Variants in PEX5L observed in about 807,000 individuals in gnomAD.
The protein encoded by PEX5L is peroxisomal biogenesis factor 5 like.
In PEX5L, 30 loss-of-function variants were observed where a neutral mutation model predicts 84.0. That is an observed-to-expected ratio of 0.36 (90% CI 0.27 to 0.48). The LOEUF (loss-of-function observed/expected upper bound fraction) is 0.48, where lower values mean the gene tolerates loss of function less well. Ranked by LOEUF, PEX5L falls within the 20% of genes least tolerant of loss-of-function variation. PEX5L has a pLI of 0.99. For missense variants in PEX5L, 533 were observed against 754.6 expected, an observed-to-expected ratio of 0.71 and a Z score of 3.44; for synonymous variants, 270 against 283.1, an observed-to-expected ratio of 0.95 and a Z score of 0.46.
Position 179,860,969 on chromosome 3 carries a change from G to T in PEX5L, c.727-1812C>A, listed in dbSNP as rs76320976. On this transcript the variant is annotated intron_variant, in intron 7 of 14. Coordinates refer to ENST00000467460, the MANE Select transcript of PEX5L (RefSeq NM_016559.3). ...AAAACAGAGAAAGGCTGCCCCTGGG[G>T]GGCCGTTGCATAGGTGAGGAGTCAA... Among the ~76,000 whole-genome samples the T allele has an allele frequency of 3.0e-3, 461 of 152,320 alleles. 2 individuals carry two copies. The highest frequency in any genetic ancestry group is 0.011 in the African/African-American group (447 of 41,572).
chr3:180,014,329 A>G (rs538178860), intron 1 of PEX5L, among the ~76,000 whole-genome samples: 3 of 152,188 alleles, frequency 2.0e-5, no homozygotes, highest in South Asian at 4.2e-4. Context: ...AAAATTAGCC[A>G]GGCGTGGTGG....
chr3:179,840,265 C>T (rs1002435668), intron 8 of PEX5L, among the ~76,000 whole-genome samples: 1 of 146,238 alleles, frequency 6.8e-6, no homozygotes, highest in African/African-American at 2.5e-5. Flanking sequence ...CTTGGTGCAC[C>T]GCAATCTCCG....
intron 9 of PEX5L, among the ~76,000 whole-genome samples, chr3:179,817,237 C>G (rs2108894880): frequency 6.6e-6 from 1 of 152,118 alleles, no homozygotes; most frequent in Non-Finnish European, 1.5e-5. Context: ...TTAAAGAATA[C>G]AGGATGTATA....
intron 2 of PEX5L, among the ~76,000 whole-genome samples, chr3:179,949,594 C>T (rs1397050820): frequency 2.0e-5 from 3 of 147,682 alleles, no homozygotes; most frequent in Non-Finnish European, 3.0e-5. Flanking sequence ...GATTGCCTTA[C>T]AGAGTATCAT....
At chr3:179,841,720 C>G (rs771942125) in intron 8 of PEX5L, among the ~76,000 whole-genome samples, 42 of 152,324 alleles carry the variant, frequency 2.8e-4, no homozygotes, top group Admixed American at 1.7e-3. Context: ...GTAGTACACT[C>G]AGATTCTATG....
chr3:179,960,830 T>C (rs1781821830), intron 2 of PEX5L, among the ~76,000 whole-genome samples: 1 of 152,200 alleles, frequency 6.6e-6, no homozygotes, highest in South Asian at 2.1e-4. Flanking sequence ...CAATAGTTCA[T>C]AAAATTTCAT....
intron 8 of PEX5L, among the ~76,000 whole-genome samples, chr3:179,852,218 G>C (rs1742174812): frequency 6.6e-6 from 1 of 152,164 alleles, no homozygotes; most frequent in African/African-American, 2.4e-5. Flanking sequence ...TCCCAAGGTA[G>C]GGTCTGGAGA....
intron 4 of PEX5L, among the ~76,000 whole-genome samples, chr3:179,886,181 T>G (rs7651849): frequency 0.026 from 3,925 of 152,324 alleles, 177 homozygotes; most frequent in African/African-American, 0.09. Flanking sequence ...CAATTCTCAC[T>G]GATTCACCTG....
At chr3:179,898,357 C>A in intron 2 of PEX5L, 111 bp from the exon 3 acceptor site, 2 of 664,362 alleles carry the variant, frequency 3.0e-6, no homozygotes, top group South Asian at 3.2e-5. Flanking sequence ...AAGAGGTAGG[C>A]TGCTGCAAGT....
rs765088091 is a variant in PEX5L, at chr3:179,880,104, A to C, written c.330T>G (p.Asp110Glu). ...SNTAVLTTGL[D>E]LLDLSEPVSQ... ...AGACTGGTTCACTCAGGTCGAGGAG[A>C]TCTAAGCCAGTGGTCAATACTACCA... The change falls in exon 5 of 15, where the codon GAT becomes GAG. Residue 110 changes from aspartate to glutamate, a missense_variant. By Grantham distance (45) the Asp-to-Glu change is conservative. Around this residue, in one of 8 missense-constraint regions of PEX5L, gnomAD observed 259 missense variants for 301.7 expected, o/e 0.86. Transcript: ENST00000467460. The C allele has an allele frequency of 6.2e-7, 1 of 1,608,690 alleles. No homozygotes were observed. Among genetic ancestry groups the C allele is most frequent in the Non-Finnish European group, 8.5e-7 (1 of 1,177,822 alleles).
chr3:179,888,352 G>A (rs1342796009), intron 3 of PEX5L, among the ~76,000 whole-genome samples: 1 of 152,122 alleles, frequency 6.6e-6, no homozygotes, highest in Admixed American at 6.5e-5. Flanking sequence ...ATTATTTTGG[G>A]AGAGTAGAAA....
intron 8 of PEX5L, among the ~76,000 whole-genome samples, chr3:179,857,321 G>A (rs963861397): frequency 6.6e-6 from 1 of 152,134 alleles, no homozygotes; most frequent in Admixed American, 6.5e-5. Flanking sequence ...CCAAGACCAA[G>A]CAAAACTGCA....
intron 10 of PEX5L, 95 bp downstream of exon 10, chr3:179,815,766 C>T (rs1725832555): frequency 1.5e-6 from 2 of 1,372,160 alleles, no homozygotes; most frequent in South Asian, 1.3e-5. Flanking sequence ...GGAACCTTTA[C>T]TTGATGAAAA....
At chr3:180,002,263 T>G (rs746358840) in intron 1 of PEX5L, among the ~76,000 whole-genome samples, 3 of 152,146 alleles carry the variant, frequency 2.0e-5, no homozygotes, top group African/African-American at 7.2e-5. Flanking sequence ...AGGGATGAGA[T>G]TGCTGATTAG....
intron 1 of PEX5L, among the ~76,000 whole-genome samples, chr3:180,002,651 T>C (rs1457773991): frequency 2.6e-5 from 4 of 152,106 alleles, no homozygotes; most frequent in African/African-American, 9.7e-5. Context: ...TGTCCAAACC[T>C]GTATTTTTCT....
At chr3:179,882,933 A>T (rs1446086474) in intron 4 of PEX5L, among the ~76,000 whole-genome samples, 5 of 152,024 alleles carry the variant, frequency 3.3e-5, no homozygotes, top group South Asian at 2.1e-4. Flanking sequence ...CAAAACAATT[A>T]AAAAAATTAA....
At chr3:179,926,549 C>T (rs777626253) in intron 2 of PEX5L, among the ~76,000 whole-genome samples, 12 of 152,178 alleles carry the variant, frequency 7.9e-5, no homozygotes, top group Admixed American at 2.0e-4. Flanking sequence ...CAAAATAGGC[C>T]CTCCTTTGCT....
chr3:179,883,571 G>T (rs1315962934), intron 4 of PEX5L, among the ~76,000 whole-genome samples: 1 of 152,180 alleles, frequency 6.6e-6, no homozygotes, highest in Non-Finnish European at 1.5e-5. Context: ...ATCACCTGAG[G>T]TCGGGAGTTC....
At chr3:179,807,341 A>G (rs1197346683) in intron 14 of PEX5L, among the ~76,000 whole-genome samples, 1 of 152,148 alleles carries the variant, frequency 6.6e-6, no homozygotes, top group Non-Finnish European at 1.5e-5. Context: ...GACGGGTACT[A>G]TTTCTTGAAG....
Sources: gnomAD v4.1 joint callset for allele counts (sites outside exome capture counted in the v4.1 genomes callset) on GRCh38, gnomAD v4.1.1 for gene constraint, gnomAD v4.1.1 regional missense constraint, MANE v1.5 for transcripts, NCBI Gene and HGNC (gene_info 2026-07-23, HGNC 2026-07-21) for gene names.